Variants in SEMA6A observed in about 807,000 individuals in gnomAD.
SEMA6A encodes the protein semaphorin-6A.
SEMA6A carries 25 observed loss-of-function variants against 96.8 expected under a neutral mutation model. The observed-to-expected ratio is 0.26, with a 90% CI of 0.19 to 0.36. SEMA6A has a LOEUF of 0.36. Ranked by LOEUF, SEMA6A falls within the 10% of genes least tolerant of loss-of-function variation. The pLI, the probability that SEMA6A is intolerant of heterozygous loss-of-function variation, is 1.00. For missense variants in SEMA6A, 1,363 were observed against 1,323.1 expected (o/e 1.03, Z -0.47); for synonymous variants, 612 against 518.0 (o/e 1.18, Z -2.46).
chr5:116,543,842 T>C (rs1371946989), intron 1 of SEMA6A, among the ~76,000 whole-genome samples: 1 of 152,218 alleles, frequency 6.6e-6, no homozygotes, highest in Non-Finnish European at 1.5e-5. Flanking sequence ...TGTGGTTAAA[T>C]TGATGCCAAA....
intron 1 of SEMA6A, among the ~76,000 whole-genome samples, chr5:116,516,194 A>C (rs921653763): frequency 1.3e-5 from 2 of 152,202 alleles, no homozygotes; most frequent in Non-Finnish European, 1.5e-5. Flanking sequence ...AAAGAGGCAT[A>C]ATATCATTTC....
intron 6 of SEMA6A, among the ~76,000 whole-genome samples, chr5:116,493,381 A>G (rs1400985611): frequency 6.6e-6 from 1 of 152,224 alleles, no homozygotes; most frequent in East Asian, 1.9e-4. Context: ...GTCACTAGCT[A>G]GAGTAAATGC....
chr5:116,551,317 T>TACACAC (rs66523615), intron 1 of SEMA6A, among the ~76,000 whole-genome samples: 6,209 of 142,380 alleles, frequency 0.044, 180 homozygotes, highest in African/African-American at 0.076. Context: ...AGTCTTAGCA[T>TACACAC]ACACACACAC....
At chr5:116,479,073 T>C (rs1353201111) in intron 12 of SEMA6A, among the ~76,000 whole-genome samples, 2 of 152,114 alleles carry the variant, frequency 1.3e-5, no homozygotes, top group Non-Finnish European at 2.9e-5. Context: ...TAAGAAGTAA[T>C]AAGAAATTCA....
intron 1 of SEMA6A, among the ~76,000 whole-genome samples, chr5:116,516,607 A>G (rs1758678421): frequency 6.6e-6 from 1 of 152,200 alleles, no homozygotes. Flanking sequence ...GTGTTTTCCA[A>G]AGGCAGTTTA....
chr5:116,560,460 C>T (rs1318588971), intron 1 of SEMA6A, among the ~76,000 whole-genome samples: 2 of 151,316 alleles, frequency 1.3e-5, no homozygotes, highest in African/African-American at 2.4e-5. Context: ...TGAACTGCTG[C>T]TTTCACTAGA....
intron 7 of SEMA6A, among the ~76,000 whole-genome samples, chr5:116,491,083 A>G (rs1007487331): frequency 1.3e-5 from 2 of 152,286 alleles, no homozygotes; most frequent in Admixed American, 6.5e-5. Context: ...TTGGTCAGAG[A>G]TGGGTGTGTA....
At chr5:116,488,283 A>G (rs1053760850) in intron 8 of SEMA6A, 87 bp from the exon 9 acceptor site, 14 of 874,632 alleles carry the variant, frequency 1.6e-5, no homozygotes, top group Admixed American at 2.1e-5. Context: ...CATGTTATTA[A>G]TTAAAAGTGT....
intron 18 of SEMA6A, among the ~76,000 whole-genome samples, chr5:116,454,046 C>CCT (rs1754826265): frequency 1.3e-5 from 2 of 152,168 alleles, no homozygotes; most frequent in African/African-American, 4.8e-5. Flanking sequence ...CCTCTCACCC[C>CCT]CTTTCACTGG....
intron 18 of SEMA6A, among the ~76,000 whole-genome samples, chr5:116,464,841 G>C (rs1346105266): frequency 6.6e-6 from 1 of 152,212 alleles, no homozygotes; most frequent in African/African-American, 2.4e-5. Context: ...CTCACTGGCA[G>C]TCAGCATATC....
At chr5:116,503,569 T>C (rs921381484) in intron 2 of SEMA6A, among the ~76,000 whole-genome samples, 1 of 149,998 alleles carries the variant, frequency 6.7e-6, no homozygotes, top group Non-Finnish European at 1.5e-5. Context: ...TGGAGTGCAG[T>C]GGTGTGATCT....
intron 11 of SEMA6A, among the ~76,000 whole-genome samples, chr5:116,481,903 A>G (rs554229730): frequency 6.6e-6 from 1 of 152,298 alleles, no homozygotes; most frequent in East Asian, 1.9e-4. Flanking sequence ...GACCCAAAAC[A>G]GACCAAAACC....
intron 1 of SEMA6A, among the ~76,000 whole-genome samples, chr5:116,533,874 C>T (rs1759597446): frequency 6.6e-6 from 1 of 152,180 alleles, no homozygotes; most frequent in Admixed American, 6.5e-5. Flanking sequence ...CTCTCCTTCA[C>T]CTATGCTGGG....
intron 17 of SEMA6A, 21 bp downstream of exon 17, chr5:116,473,052 T>TGA: frequency 1.3e-6 from 2 of 1,586,976 alleles, no homozygotes; most frequent in Non-Finnish European, 1.7e-6. Flanking sequence ...TATGGAATTA[T>TGA]GAGAGTAATA....
At chr5:116,465,696 TG>T (rs1024326574) in intron 18 of SEMA6A, among the ~76,000 whole-genome samples, 1 of 152,180 alleles carries the variant, frequency 6.6e-6, no homozygotes, top group Admixed American at 6.5e-5. Flanking sequence ...CTCCATTCCT[TG>T]GGGGGAGTTA....
intron 18 of SEMA6A, among the ~76,000 whole-genome samples, chr5:116,456,345 G>C (rs781493554): frequency 2.0e-5 from 3 of 152,166 alleles, no homozygotes; most frequent in Non-Finnish European, 4.4e-5. Context: ...GAGACATGCT[G>C]TCCTGAAATA....
At chr5:116,571,944 T>G (rs1761230760) in intron 1 of SEMA6A, among the ~76,000 whole-genome samples, 1 of 152,192 alleles carries the variant, frequency 6.6e-6, no homozygotes, top group African/African-American at 2.4e-5. Flanking sequence ...GGAGAAAACA[T>G]AATTAAATAA....
At chr5:116,467,015 A>G (rs1266648831) in intron 18 of SEMA6A, among the ~76,000 whole-genome samples, 1 of 152,158 alleles carries the variant, frequency 6.6e-6, no homozygotes, top group Admixed American at 6.5e-5. Flanking sequence ...ATGCATAGCA[A>G]TTCTGCTTGA....
chr5:116,478,897 TG>T (rs1456745702), intron 12 of SEMA6A, among the ~76,000 whole-genome samples, 179 bp from the exon 13 acceptor site: 1 of 151,536 alleles, frequency 6.6e-6, no homozygotes, highest in Non-Finnish European at 1.5e-5. Flanking sequence ...AGCACTAGTG[TG>T]GCTCCAAAGG....
Sources: allele counts gnomAD v4.1 joint callset (sites outside exome capture counted in the v4.1 genomes callset), GRCh38; gene constraint gnomAD v4.1.1; transcripts MANE v1.5; gene names NCBI Gene and HGNC (gene_info 2026-07-23, HGNC 2026-07-21).